Variants in NT5M observed in about 807,000 individuals in gnomAD.
NT5M encodes 5'(3')-deoxyribonucleotidase, mitochondrial.
Under a neutral mutation model 22.2 loss-of-function variants are expected in NT5M, and 22 were observed. The observed-to-expected ratio is 0.99, with a 90% confidence interval of 0.71 to 1.41. The LOEUF (loss-of-function observed/expected upper bound fraction) is 1.41. Among genes scored for constraint, NT5M ranks in the 40% most tolerant of loss-of-function variants. The pLI is 0.00. For missense variants in NT5M, 322 were observed against 314.8 expected (o/e 1.02, Z -0.17); for synonymous variants, 167 against 133.0 (o/e 1.26, Z -1.76).
chr17:17,321,145 G>T (rs1230316793), intron 2 of NT5M, among the ~76,000 whole-genome samples: 1 of 152,016 alleles, frequency 6.6e-6, no homozygotes, highest in Non-Finnish European at 1.5e-5. Flanking sequence ...TCATGGAGGA[G>T]GATAGCAAGC....
chr17:17,308,453 G>A (rs1017845421), intron 2 of NT5M, among the ~76,000 whole-genome samples: 3 of 151,978 alleles, frequency 2.0e-5, no homozygotes, highest in Non-Finnish European at 4.4e-5. Flanking sequence ...TTAGCTGGGC[G>A]TGGGGGCGGG....
chr17:17,343,160 C>T (rs1357581314), intron 3 of NT5M, among the ~76,000 whole-genome samples: 1 of 152,108 alleles, frequency 6.6e-6, no homozygotes, highest in Non-Finnish European at 1.5e-5. Flanking sequence ...GACAATTAGA[C>T]TGGGAGAGTT....
At chr17:17,340,548 A>T (rs867632622) in intron 3 of NT5M, among the ~76,000 whole-genome samples, 24 of 147,794 alleles carry the variant, frequency 1.6e-4, no homozygotes, top group Admixed American at 2.0e-4. Flanking sequence ...TAATTTTGAG[A>T]TGGAGCCTTG....
intron 2 of NT5M, among the ~76,000 whole-genome samples, chr17:17,312,583 G>T (rs2048941824): frequency 6.6e-6 from 1 of 150,816 alleles, no homozygotes. Context: ...GGTGGAGGCT[G>T]CGGTGAGCCA....
At chr17:17,305,394 G>GCCCCCCCCCCCCCCCCCCC (rs34579357) in intron 1 of NT5M, among the ~76,000 whole-genome samples, 27 of 74,138 alleles carry the variant, frequency 3.6e-4, no homozygotes, top group Admixed American at 4.6e-4. Context: ...TAAAACAACC[G>GCCCCCCCCCCCCCCCCCCC]CCCCCCCCCC....
At chr17:17,340,279 A>G (rs1427969862) in intron 3 of NT5M, among the ~76,000 whole-genome samples, 1 of 152,178 alleles carries the variant, frequency 6.6e-6, no homozygotes, top group African/African-American at 2.4e-5. Context: ...AGTTGCCCAT[A>G]GTAGCCACCG....
rs1011494904 is a variant in NT5M at position 17,303,373 on chromosome 17, G to A, written c.-178G>A. On this transcript the variant is annotated 5_prime_UTR_variant, in exon 1 of 5. Coordinates refer to ENST00000389022, the MANE Select transcript of NT5M (RefSeq NM_020201.4). ...TAGGGACCGCGCGCGCCGCGGCCTC[G>A]CTCTGGGGCCGGTACTTGCGCGCCC... 1.4e-5 allele frequency: 10 copies of A among 735,802 alleles called. No individual in the cohort carries two copies. The Admixed American group carries it at 3.7e-4, about 27-fold the overall frequency. The allele number at this position is 735,802 out of a possible 1,614,324, so 45.6% of individuals were successfully genotyped here.
At chr17:17,315,320 A>T (rs754569172) in intron 2 of NT5M, among the ~76,000 whole-genome samples, 7 of 152,194 alleles carry the variant, frequency 4.6e-5, no homozygotes, top group Non-Finnish European at 1.5e-5. Flanking sequence ...CTGGGGATAT[A>T]TATGTAAATA....
intron 2 of NT5M, among the ~76,000 whole-genome samples, chr17:17,310,014 C>T (rs139859925): frequency 2.6e-5 from 4 of 151,758 alleles, no homozygotes; most frequent in South Asian, 2.1e-4. Context: ...TTAGTAGAGA[C>T]GGGGCTTCAC....
intron 3 of NT5M, among the ~76,000 whole-genome samples, chr17:17,342,343 C>G (rs2049661019): frequency 6.6e-6 from 1 of 152,152 alleles, no homozygotes; most frequent in South Asian, 2.1e-4. Flanking sequence ...CTCGTCACCA[C>G]TATCGTGGCA....
intron 3 of NT5M, among the ~76,000 whole-genome samples, chr17:17,330,016 C>T (rs1263806516): frequency 1.3e-5 from 2 of 151,758 alleles, no homozygotes; most frequent in East Asian, 3.9e-4. Context: ...AAAACCTACT[C>T]CTGGCTGGGC....
chr17:17,332,949 A>G (rs1175032377), intron 3 of NT5M, among the ~76,000 whole-genome samples: 1 of 152,154 alleles, frequency 6.6e-6, no homozygotes, highest in African/African-American at 2.4e-5. Flanking sequence ...TGCTCTAAAA[A>G]ATAAAGTCTC....
At chr17:17,317,318 G>A (rs2049053431) in intron 2 of NT5M, among the ~76,000 whole-genome samples, 1 of 152,188 alleles carries the variant, frequency 6.6e-6, no homozygotes, top group South Asian at 2.1e-4. Flanking sequence ...CAAAGTGCTG[G>A]GATTACAGGC....
chr17:17,334,826 C>A (rs1011374548), intron 3 of NT5M, among the ~76,000 whole-genome samples: 24 of 152,198 alleles, frequency 1.6e-4, no homozygotes, highest in Non-Finnish European at 4.4e-5. Context: ...CAAAATTATT[C>A]TTCATTTTAA....
chr17:17,326,116 G>A (rs948377277), intron 3 of NT5M, among the ~76,000 whole-genome samples: 1 of 152,212 alleles, frequency 6.6e-6, no homozygotes, highest in African/African-American at 2.4e-5. Context: ...AAACACCGGC[G>A]AGTACAGTGC....
Position 17,325,114 on chromosome 17 carries a change from A to T in NT5M, c.429+1869A>T, listed in dbSNP as rs139422268. 1.3e-3 allele frequency among the ~76,000 whole-genome samples: 203 copies of T among 152,242 alleles called. 1 individual carries two copies. In the East Asian group the frequency reaches 0.031, roughly 23 times the overall value. ...GTGGGTCTGACGAGCCCGCCAGGTG[A>T]TTCTCATACACCCTCAAGTTTAAGG... On this transcript the variant is annotated intron_variant, in intron 3 of 4. Transcript: ENST00000389022.
At chr17:17,306,464 A>G (rs1382371202) in intron 1 of NT5M, 79 bp from the exon 2 acceptor site, 6 of 943,380 alleles carry the variant, frequency 6.4e-6, no homozygotes, top group Non-Finnish European at 1.0e-5. Flanking sequence ...CTCCCCCTAT[A>G]GCCTGGCCAT....
intron 4 of NT5M, 152 bp from the exon 5 acceptor site, chr17:17,346,653 G>A (rs1456640215): frequency 9.6e-6 from 8 of 830,236 alleles, no homozygotes; most frequent in African/African-American, 3.4e-5. Context: ...CCTCACACCC[G>A]CTGCGAAGGC....
intron 4 of NT5M, among the ~76,000 whole-genome samples, chr17:17,345,717 G>A (rs2049745642): frequency 6.6e-6 from 1 of 152,060 alleles, no homozygotes; most frequent in Non-Finnish European, 1.5e-5. Flanking sequence ...AGGCTGAGGT[G>A]GGAAAATCAC....
Sources: allele counts gnomAD v4.1 joint callset (sites outside exome capture counted in the v4.1 genomes callset), GRCh38; gene constraint gnomAD v4.1.1; transcripts MANE v1.5; gene names NCBI Gene and HGNC (gene_info 2026-07-23, HGNC 2026-07-21).